MUSK: variants seen among roughly 807,000 people sequenced by gnomAD.
MUSK encodes the protein muscle associated receptor tyrosine kinase.
In MUSK, 55 loss-of-function variants were observed where a neutral mutation model predicts 88.7. The ratio of observed to expected loss-of-function variants is 0.62; its 90% CI spans 0.50 to 0.78. The LOEUF (loss-of-function observed/expected upper bound fraction) is 0.78, where lower values mean the gene tolerates loss of function less well. Ranked by LOEUF, MUSK falls within the 30% of genes least tolerant of loss-of-function variation. The pLI is 0.00. For synonymous variants in MUSK, 387 were observed against 391.9 expected, an observed-to-expected ratio of 0.99 and a Z score of 0.15; for missense variants, 1,015 against 1,074.3, an observed-to-expected ratio of 0.94 and a Z score of 0.77.
chr9:110,787,967 G>A (rs1393646229), intron 14 of MUSK, 129 bp downstream of exon 14: 5 of 1,071,978 alleles, frequency 4.7e-6, no homozygotes, highest in Non-Finnish European at 7.0e-6. Context: ...TTCAAATTTA[G>A]CTTCTTCACC....
At chr9:110,790,916 C>T (rs997907890) in intron 14 of MUSK, among the ~76,000 whole-genome samples, 38 of 152,156 alleles carry the variant, frequency 2.5e-4, no homozygotes, top group Admixed American at 5.2e-4. Context: ...TAAATTTTAC[C>T]AGAATTAGCA....
At chr9:110,772,779 C>A (rs1310743599) in intron 9 of MUSK, among the ~76,000 whole-genome samples, 1 of 152,024 alleles carries the variant, frequency 6.6e-6, no homozygotes, top group East Asian at 1.9e-4. Context: ...AAATATTAAA[C>A]TAAAATTGAA....
At chr9:110,738,408 A>C (rs894733623) in intron 6 of MUSK, among the ~76,000 whole-genome samples, 5 of 152,118 alleles carry the variant, frequency 3.3e-5, no homozygotes, top group Non-Finnish European at 5.9e-5. Context: ...CAGCAGAGCA[A>C]GTTCTTTTGC....
rs1446154958 is a variant in MUSK at position 110,762,226 on chromosome 9, TA to T, written c.920+20del. 5.7e-6 allele frequency: 8 copies of T among 1,415,216 alleles called. No individual in the cohort carries two copies. The highest frequency in any genetic ancestry group is 7.4e-6 in the Non-Finnish European group (8 of 1,077,620). 87.7% of individuals were successfully genotyped at this position (1,415,216 alleles called of 1,614,324 possible). A position where few individuals can be genotyped will look rare whatever the true frequency, so the allele number is the denominator to read the frequency against. ...GAATGGAGGTAAGAAACTGTTATTG[TA>T]ACAATTGTTTCCAATGTTTTGTTTT... On this transcript the variant is annotated intron_variant, in intron 8 of 14. Transcript: ENST00000374448.
intron 9 of MUSK, among the ~76,000 whole-genome samples, chr9:110,772,000 A>G (rs530390439): frequency 6.6e-6 from 1 of 151,902 alleles, no homozygotes; most frequent in African/African-American, 2.4e-5. Flanking sequence ...ATTTTATTAT[A>G]TTTATATACA....
intron 5 of MUSK, among the ~76,000 whole-genome samples, chr9:110,713,858 A>G (rs1400424530): frequency 6.6e-6 from 1 of 152,194 alleles, no homozygotes; most frequent in Non-Finnish European, 1.5e-5. Context: ...TCCAGAGCTT[A>G]GATCAAAAAA....
rs193214210 is a variant in MUSK at position 110,800,910 on chromosome 9, A to G, written c.2532A>G (p.Ala844=). The G allele has an allele frequency of 4.4e-5, 68 of 1,546,442 alleles. No individual in the cohort carries two copies. In the East Asian group the frequency reaches 1.5e-3, roughly 34 times the overall value. Residue 844 remains alanine (A), a synonymous_variant, in exon 15 of 15, where the codon GCA becomes GCG. Coordinates refer to ENST00000374448, the MANE Select transcript of MUSK (RefSeq NM_005592.4). ...GTCTATGTTGGAGCAAGCTGCCTGCAGACAGACCCAGTTTCACCAGTATTC... is the reference window on the plus strand; with the variant it reads ...GTCTATGTTGGAGCAAGCTGCCTGCGGACAGACCCAGTTTCACCAGTATTC... ...LMRLCWSKLP[A]DRPSFTSIHR... is the part of the protein sequence containing the mutation.
At chr9:110,761,625 G>A (rs2077401878) in intron 7 of MUSK, among the ~76,000 whole-genome samples, 1 of 132,624 alleles carries the variant, frequency 7.5e-6, no homozygotes, top group Non-Finnish European at 1.6e-5. Context: ...CCAGGCTGGA[G>A]TGCACTGGCG....
chr9:110,750,699 C>T (rs1419679538), intron 7 of MUSK, among the ~76,000 whole-genome samples: 1 of 152,162 alleles, frequency 6.6e-6, no homozygotes, highest in Non-Finnish European at 1.5e-5. Context: ...GGCTTGCTAA[C>T]TCAGTTCTGC....
chr9:110,772,473 CTCA>C (rs2077592069), intron 9 of MUSK, among the ~76,000 whole-genome samples: 1 of 150,964 alleles, frequency 6.6e-6, no homozygotes, highest in African/African-American at 2.4e-5. Flanking sequence ...TTTTAAAATC[CTCA>C]TCATCAAATA....
chr9:110,763,251 A>C (rs2077427704), intron 8 of MUSK, among the ~76,000 whole-genome samples: 1 of 152,060 alleles, frequency 6.6e-6, no homozygotes, highest in South Asian at 2.1e-4. Flanking sequence ...GTGATTTGTC[A>C]TAATTGACTG....
chr9:110,798,766 A>G (rs1564299004), intron 14 of MUSK, among the ~76,000 whole-genome samples: 2 of 152,208 alleles, frequency 1.3e-5, no homozygotes, highest in Non-Finnish European at 2.9e-5. Flanking sequence ...TACAATATAG[A>G]AAACATTTTG....
At chr9:110,706,085 G>T in intron 5 of MUSK, 1 of 530,382 alleles carries the variant, frequency 1.9e-6, no homozygotes, top group East Asian at 5.5e-5. Flanking sequence ...GGTGCTAAAG[G>T]CATTCACACC....
intron 3 of MUSK, among the ~76,000 whole-genome samples, chr9:110,689,456 CAT>C (rs1401714804): frequency 3.9e-5 from 4 of 102,196 alleles, no homozygotes; most frequent in African/African-American, 1.8e-4. Context: ...GTAAAAAATA[CAT>C]ATTTATATAT....
At chr9:110,715,347 A>T (rs557969761) in intron 5 of MUSK, among the ~76,000 whole-genome samples, 1 of 149,790 alleles carries the variant, frequency 6.7e-6, no homozygotes, top group South Asian at 2.1e-4. Context: ...TTTTCTGGAT[A>T]AAAAACCTGA....
At chr9:110,711,204 T>C (rs1158185538) in intron 5 of MUSK, among the ~76,000 whole-genome samples, 2 of 152,158 alleles carry the variant, frequency 1.3e-5, no homozygotes, top group Non-Finnish European at 2.9e-5. Flanking sequence ...TATACATATG[T>C]AACAAACCTG....
intron 3 of MUSK, among the ~76,000 whole-genome samples, chr9:110,689,533 A>AT (rs2076260288): frequency 1.1e-4 from 4 of 37,062 alleles, no homozygotes; most frequent in African/African-American, 4.4e-4. Context: ...AACTATATAT[A>AT]AATATATAGT....
chr9:110,716,582 G>A (rs1317343002), intron 5 of MUSK, among the ~76,000 whole-genome samples: 4 of 149,672 alleles, frequency 2.7e-5, no homozygotes, highest in Admixed American at 1.3e-4. Flanking sequence ...GGAATCATAG[G>A]CAACTGTTAT....
chr9:110,781,253 GT>G (rs1455675224), intron 11 of MUSK, among the ~76,000 whole-genome samples: 1 of 109,748 alleles, frequency 9.1e-6, no homozygotes, highest in Admixed American at 9.6e-5. Context: ...GTTTGTGTGT[GT>G]TTTTTTGTTT....
Sources: allele counts gnomAD v4.1 joint callset (sites outside exome capture counted in the v4.1 genomes callset), GRCh38; gene constraint gnomAD v4.1.1; transcripts MANE v1.5; gene names NCBI Gene and HGNC (gene_info 2026-07-23, HGNC 2026-07-21).